The following DNM2 variants were observed in gnomAD, a reference collection of about 807,000 sequenced individuals.
DNM2 encodes dynamin 2, also known as dynamin-2.
Under a neutral mutation model 99.0 loss-of-function variants are expected in DNM2, and 15 were observed. The observed-to-expected ratio is 0.15, with a 90% confidence interval of 0.10 to 0.23. The LOEUF (loss-of-function observed/expected upper bound fraction) is 0.23, where lower values mean the gene tolerates loss of function less well. Among genes scored for constraint, DNM2 ranks in the 10% least tolerant of loss-of-function variants. The pLI, the probability that DNM2 is intolerant of heterozygous loss-of-function variation, is 1.00. For synonymous variants in DNM2, 525 were observed against 481.2 expected, an observed-to-expected ratio of 1.09 and a Z score of -1.19; for missense variants, 742 against 1,189.4, an observed-to-expected ratio of 0.62 and a Z score of 5.53.
chr19:10,784,238 A>G (rs1241085505), intron 6 of DNM2, among the ~76,000 whole-genome samples: 1 of 152,094 alleles, frequency 6.6e-6, no homozygotes, highest in Non-Finnish European at 1.5e-5. Flanking sequence ...TAGAAGGCAT[A>G]ATTCTAATGG....
chr19:10,754,296 G>A (rs1394769938), intron 1 of DNM2, among the ~76,000 whole-genome samples: 1 of 140,476 alleles, frequency 7.1e-6, no homozygotes, highest in Admixed American at 7.4e-5. Flanking sequence ...TCACTCTGTT[G>A]CCAGGCTGGA....
Position 10,786,555 on chromosome 19 carries a change from C to T in DNM2, c.850-9C>T. On this transcript the variant is annotated splice_polypyrimidine_tract_variant and intron_variant, in intron 6 of 20. Coordinates refer to ENST00000389253, the MANE Select transcript of DNM2 (RefSeq NM_001005361.3). ...CCACCCTTTCTGATCTCTGACCTCT[C>T]TCCTGCAGCAACTGACCAACCACAT... is the stretch of plus-strand genomic sequence containing the variant. The T allele has an allele frequency of 1.2e-6, 2 of 1,614,090 alleles. No individual in the cohort carries two copies. Among genetic ancestry groups the T allele is most frequent in the African/African-American group, 2.7e-5 (2 of 75,038 alleles).
At chr19:10,794,973 G>C (rs1285028615) in intron 8 of DNM2, among the ~76,000 whole-genome samples, 1 of 152,036 alleles carries the variant, frequency 6.6e-6, no homozygotes, top group Non-Finnish European at 1.5e-5. Flanking sequence ...AGGCTGGAGT[G>C]CAGTGGTGCA....
intron 11 of DNM2, 23 bp downstream of exon 11, chr19:10,798,595 A>G (rs1315654914): frequency 6.2e-7 from 1 of 1,613,360 alleles, no homozygotes; most frequent in African/African-American, 1.3e-5. Flanking sequence ...TGTCTTCTTT[A>G]TTGGGTATAA....
intron 12 of DNM2, among the ~76,000 whole-genome samples, chr19:10,803,269 A>G (rs2072219102): frequency 1.3e-5 from 2 of 152,192 alleles, no homozygotes; most frequent in Non-Finnish European, 2.9e-5. Flanking sequence ...GAGTCACCAG[A>G]TACAACATTT....
At chr19:10,819,686 G>A (rs980679828) in intron 15 of DNM2, among the ~76,000 whole-genome samples, 1 of 152,154 alleles carries the variant, frequency 6.6e-6, no homozygotes, top group Admixed American at 6.6e-5. Context: ...GGAGGGTGCG[G>A]GTAGAGTTAG....
chr19:10,749,479 C>G (rs958047435), intron 1 of DNM2, among the ~76,000 whole-genome samples: 1 of 152,230 alleles, frequency 6.6e-6, no homozygotes, highest in Non-Finnish European at 1.5e-5. Flanking sequence ...GAAACCTGCT[C>G]TGGTGGGGTG....
rs547303058 is a variant in DNM2 at position 10,818,667 on chromosome 19, T to C, written c.1672-1313T>C. On this transcript the variant is annotated intron_variant, in intron 15 of 20. Coordinates refer to ENST00000389253, the MANE Select transcript of DNM2 (RefSeq NM_001005361.3). The surrounding 1 kb of genome is among the most constrained non-coding windows in gnomAD (Gnocchi z 4.3). ...CCCGCTGCCTTCTCCACAGTCACTGTGGCTGCTCCTGAACTTGGAGGCGGC... is the reference window on the plus strand; with the variant it reads ...CCCGCTGCCTTCTCCACAGTCACTGCGGCTGCTCCTGAACTTGGAGGCGGC... Among the ~76,000 whole-genome samples, 2 of 152,338 alleles carry C rather than the reference T, an allele frequency of 1.3e-5. No individual in the cohort carries two copies. The highest frequency in any genetic ancestry group is 4.1e-4 in the South Asian group (2 of 4,832).
At chr19:10,757,953 A>AG (rs1462994393) in intron 1 of DNM2, among the ~76,000 whole-genome samples, 2 of 151,716 alleles carry the variant, frequency 1.3e-5, no homozygotes, top group African/African-American at 4.8e-5. Flanking sequence ...CAAAAAAAAA[A>AG]AAAAAAAAAA....
At chr19:10,792,834 C>T (rs995253872) in intron 7 of DNM2, among the ~76,000 whole-genome samples, 5 of 152,080 alleles carry the variant, frequency 3.3e-5, no homozygotes, top group African/African-American at 9.7e-5. Flanking sequence ...TCTCAAACTC[C>T]TGGGCTCAGG....
At chr19:10,779,050 C>T (rs2071251757) in intron 5 of DNM2, among the ~76,000 whole-genome samples, 1 of 151,860 alleles carries the variant, frequency 6.6e-6, no homozygotes, top group South Asian at 2.1e-4. Context: ...GTTGTCTGTA[C>T]TAAAAATACA....
At chr19:10,749,538 CT>C (rs1394648838) in intron 1 of DNM2, among the ~76,000 whole-genome samples, 1 of 152,222 alleles carries the variant, frequency 6.6e-6, no homozygotes, top group Admixed American at 6.5e-5. Context: ...CTGTGGCAGA[CT>C]GGAAGTGTCC....
chr19:10,783,561 A>T (rs2071445339), intron 6 of DNM2, among the ~76,000 whole-genome samples: 1 of 152,122 alleles, frequency 6.6e-6, no homozygotes, highest in African/African-American at 2.4e-5. Flanking sequence ...TATTACAACC[A>T]TCACTGTTAT....
chr19:10,720,216 A>ATTTTT (rs778787809), intron 1 of DNM2, among the ~76,000 whole-genome samples: 2 of 140,674 alleles, frequency 1.4e-5, no homozygotes, highest in African/African-American at 5.2e-5. Context: ...TTATTTATTT[A>ATTTTT]TTTTTTTTTT....
intron 1 of DNM2, among the ~76,000 whole-genome samples, chr19:10,747,858 TC>T (rs1369760963): frequency 6.6e-6 from 1 of 151,870 alleles, no homozygotes; most frequent in African/African-American, 2.4e-5. Flanking sequence ...GGGAGCAGCT[TC>T]CTATGGCGGG....
chr19:10,759,176 A>T (rs1189097260), intron 1 of DNM2, among the ~76,000 whole-genome samples: 4 of 152,146 alleles, frequency 2.6e-5, no homozygotes, highest in Non-Finnish European at 4.4e-5. Flanking sequence ...CCAGGCTTTT[A>T]CAGTTAATTT....
intron 1 of DNM2, among the ~76,000 whole-genome samples, chr19:10,757,960 A>G (rs59740199): frequency 0.036 from 5,458 of 150,358 alleles, 226 homozygotes; most frequent in African/African-American, 0.088. Context: ...AAAAAAAAAA[A>G]AAAAAGAAAA....
chr19:10,828,026 C>CG (rs1246610333), intron 18 of DNM2, among the ~76,000 whole-genome samples: 1 of 151,458 alleles, frequency 6.6e-6, no homozygotes, highest in Non-Finnish European at 1.5e-5. Context: ...GGCTCACTCA[C>CG]GCCTGTAATC....
In DNM2 at chr19:10,820,629, G is replaced by A. The variant is rs1433490253; in HGVS notation, c.1781+540G>A. On this transcript the variant is annotated intron_variant, in intron 16 of 20. Transcript: ENST00000389253. This position sits in a 1 kb window ranked among gnomAD's most constrained non-coding sequence, Gnocchi z 4.3. Reference sequence around the variant, plus strand: ...CACTGCCCAGCTGCTGCCATTGGCCGAGGTGGGGAAGGCAGCGGCAGGTAG... The same window carrying A: ...CACTGCCCAGCTGCTGCCATTGGCCAAGGTGGGGAAGGCAGCGGCAGGTAG... 5.9e-5 allele frequency among the ~76,000 whole-genome samples: 9 copies of A among 152,344 alleles called. No individual in the cohort carries two copies. Among genetic ancestry groups the A allele is most frequent in the African/African-American group, 2.2e-4 (9 of 41,582 alleles).
Sources: allele counts gnomAD v4.1 joint callset (sites outside exome capture counted in the v4.1 genomes callset), GRCh38; gene constraint gnomAD v4.1.1; non-coding constraint Gnocchi (gnomAD v3.1); transcripts MANE v1.5; gene names NCBI Gene and HGNC (gene_info 2026-07-23, HGNC 2026-07-21).